CTNND2: variants seen among roughly 807,000 people sequenced by gnomAD.
CTNND2 encodes catenin delta 2.
In CTNND2, 22 loss-of-function variants were observed where a neutral mutation model predicts 144.4. The observed-to-expected ratio is 0.15, with a 90% CI of 0.11 to 0.22. CTNND2 has a LOEUF of 0.22. Among genes scored for constraint, CTNND2 ranks in the 10% least tolerant of loss-of-function variants. The pLI, the probability that CTNND2 is intolerant of heterozygous loss-of-function variation, is 1.00. For synonymous variants in CTNND2, 751 were observed against 695.6 expected (o/e 1.08, Z -1.25); for missense variants, 1,353 against 1,618.8 (o/e 0.84, Z 2.82).
intron 9 of CTNND2, among the ~76,000 whole-genome samples, chr5:11,306,658 G>T (rs1032615806): frequency 5.9e-5 from 9 of 152,110 alleles, no homozygotes; most frequent in African/African-American, 2.2e-4. Context: ...GTTATGCAAG[G>T]CCCAACTATC....
Position 11,397,038 on chromosome 5 carries a change from A to T in CTNND2, c.605T>A (p.Phe202Tyr). Residue 202 changes from phenylalanine (F) to tyrosine (Y), a missense_variant, in exon 6 of 22, where the codon TTC (phenylalanine) becomes TAC (tyrosine). This residue lies in a region of CTNND2 where 708 missense variants were observed against 706.4 expected (regional missense o/e 1.00). Transcript: ENST00000304623. ...ACAGCACTGGGTACCTACCTGGCTG[A>T]AGCTCTGGCCCGTAGCTCGGGCTTG... ...GTQARATGQSFSQGTTSRAGH... is the reference protein window; with the variant it reads ...GTQARATGQSYSQGTTSRAGH... 1 of 1,613,228 alleles carries T rather than the reference A, an allele frequency of 6.2e-7. No homozygotes were observed. Among genetic ancestry groups the T allele is most frequent in the Non-Finnish European group, 8.5e-7 (1 of 1,179,928 alleles).
chr5:11,880,149 AC>A (rs1413628525), intron 1 of CTNND2, among the ~76,000 whole-genome samples: 3 of 151,572 alleles, frequency 2.0e-5, no homozygotes, highest in African/African-American at 7.3e-5. Context: ...CTGATACACA[AC>A]CCCCCTTATT....
intron 9 of CTNND2, among the ~76,000 whole-genome samples, chr5:11,239,609 G>A (rs1742000251): frequency 6.6e-6 from 1 of 152,276 alleles, no homozygotes; most frequent in South Asian, 2.1e-4. Context: ...CCCTACTATG[G>A]CTCCCACCAT....
At chr5:11,168,407 T>C (rs1420430233) in intron 11 of CTNND2, among the ~76,000 whole-genome samples, 2 of 152,232 alleles carry the variant, frequency 1.3e-5, no homozygotes, top group African/African-American at 4.8e-5. Flanking sequence ...GTAGTGGCCA[T>C]CTGTAAAAGT....
At chr5:10,979,514 C>T (rs1444105451) in intron 21 of CTNND2, among the ~76,000 whole-genome samples, 1 of 152,190 alleles carries the variant, frequency 6.6e-6, no homozygotes, top group Non-Finnish European at 1.5e-5. Context: ...ATGGAGTGGG[C>T]TGATGCCCAC....
At chr5:11,246,385 G>C (rs1287143773) in intron 9 of CTNND2, among the ~76,000 whole-genome samples, 3 of 152,044 alleles carry the variant, frequency 2.0e-5, no homozygotes, top group Non-Finnish European at 2.9e-5. Flanking sequence ...TCAAAAGAGA[G>C]TGCCCTCATA....
chr5:11,370,853 T>C (rs763899282), intron 7 of CTNND2, among the ~76,000 whole-genome samples: 11 of 152,212 alleles, frequency 7.2e-5, no homozygotes, highest in Non-Finnish European at 1.5e-4. Context: ...AGGCTTAATG[T>C]GTTTGTGAAC....
chr5:11,689,564 G>A lies in CTNND2; in HGVS notation c.174+42572C>T, dbSNP rs924227346. On this transcript the variant is annotated intron_variant, in intron 2 of 21. Coordinates refer to ENST00000304623, the MANE Select transcript of CTNND2 (RefSeq NM_001332.4). The stretch of plus-strand genomic sequence containing the variant: ...GTAAATAAATCAATTTGTGAATGCT[G>A]TTGTACAGAATATTGTCACTTACTT... 6.6e-5 allele frequency among the ~76,000 whole-genome samples: 10 copies of A among 152,104 alleles called. No individual in the cohort carries two copies. In the East Asian group the frequency reaches 1.9e-3, roughly 29 times the overall value.
intron 2 of CTNND2, among the ~76,000 whole-genome samples, chr5:11,593,173 C>T (rs1236459215): frequency 6.6e-6 from 1 of 151,870 alleles, no homozygotes; most frequent in Non-Finnish European, 1.5e-5. Flanking sequence ...TTAAGCAGGA[C>T]ACAAAATGAG....
chr5:11,574,272 C>T (rs1777801346), intron 2 of CTNND2, among the ~76,000 whole-genome samples: 1 of 152,070 alleles, frequency 6.6e-6, no homozygotes, highest in Admixed American at 6.6e-5. Flanking sequence ...CTGCTAAGTG[C>T]TTCACATGTA....
Position 11,022,787 on chromosome 5 carries a change from G to A in CTNND2, c.2981C>T (p.Ser994Phe). The A allele has an allele frequency of 6.2e-7, 1 of 1,614,034 alleles. No homozygotes were observed. The highest frequency in any genetic ancestry group is 1.1e-5 in the South Asian group (1 of 91,072). The change falls in exon 17 of 22, where the codon TCC (serine) becomes TTC (phenylalanine). Residue 994 changes from serine to phenylalanine, a missense_variant. This residue lies in a region of CTNND2 where 459 missense variants were observed against 674.3 expected (regional missense o/e 0.68). Transcript: ENST00000304623. The part of the protein sequence containing the change: ...AGGIEKLVGI[S>F]KSKGDKHSPK... The stretch of plus-strand genomic sequence containing the variant: ...AACTTACTTATCTCCTTTGCTTTTG[G>A]AGATGCCGACCAACTTCTCGATGCC...
At chr5:11,289,733 T>G (rs1748125790) in intron 9 of CTNND2, among the ~76,000 whole-genome samples, 1 of 152,192 alleles carries the variant, frequency 6.6e-6, no homozygotes, top group East Asian at 1.9e-4. Context: ...GTCTCAGAGA[T>G]CCTCTTTCCA....
chr5:11,673,094 T>C (rs536356441), intron 2 of CTNND2, among the ~76,000 whole-genome samples: 140 of 152,268 alleles, frequency 9.2e-4, no homozygotes, highest in African/African-American at 3.2e-3. Context: ...CCAAATTTCT[T>C]CTCATTTTCC....
intron 11 of CTNND2, among the ~76,000 whole-genome samples, chr5:11,181,813 C>T (rs560539223): frequency 5.3e-4 from 59 of 111,216 alleles, no homozygotes; most frequent in South Asian, 1.0e-3. Context: ...GTGGTGAATG[C>T]GTGTGGTGTG....
At chr5:11,279,130 G>A (rs1290675588) in intron 9 of CTNND2, among the ~76,000 whole-genome samples, 1 of 152,156 alleles carries the variant, frequency 6.6e-6, no homozygotes, top group Non-Finnish European at 1.5e-5. Context: ...TTGGGCAGAT[G>A]AGAATACATG....
At chr5:11,031,601 TG>T (rs1743482728) in intron 16 of CTNND2, among the ~76,000 whole-genome samples, 1 of 152,186 alleles carries the variant, frequency 6.6e-6, no homozygotes, top group South Asian at 2.1e-4. Flanking sequence ...GTGTTTCTGG[TG>T]TGTCTGTGAG....
chr5:11,134,354 A>G (rs993439296), intron 12 of CTNND2, among the ~76,000 whole-genome samples: 13 of 152,328 alleles, frequency 8.5e-5, no homozygotes, highest in African/African-American at 3.1e-4. Context: ...GTGCAAAAAG[A>G]GCCCAATGGC....
chr5:10,980,093 A>G (rs1421815292), intron 21 of CTNND2, among the ~76,000 whole-genome samples: 1 of 152,226 alleles, frequency 6.6e-6, no homozygotes, highest in Non-Finnish European at 1.5e-5. Flanking sequence ...CGGCAAAAGA[A>G]ACTATCATCA....
intron 1 of CTNND2, among the ~76,000 whole-genome samples, chr5:11,774,959 C>G (rs943357817): frequency 6.6e-6 from 1 of 152,148 alleles, no homozygotes; most frequent in Non-Finnish European, 1.5e-5. Context: ...CTTCTTACAT[C>G]CAATCCCATC....
Sources: allele counts gnomAD v4.1 joint callset (sites outside exome capture counted in the v4.1 genomes callset), GRCh38; gene constraint gnomAD v4.1.1; regional missense constraint gnomAD v4.1.1; transcripts MANE v1.5; gene names NCBI Gene and HGNC (gene_info 2026-07-23, HGNC 2026-07-21).